The following AGO3 variants were observed in gnomAD, a reference collection of about 807,000 sequenced individuals.
The protein encoded by AGO3 is protein argonaute-3.
A neutral mutation model predicts 105.5 loss-of-function variants in AGO3; 16 were observed. The observed-to-expected ratio is 0.15, with a 90% confidence interval of 0.10 to 0.23. AGO3 has a LOEUF of 0.23. AGO3 is among the 10% of genes least tolerant of loss of function. The pLI is 1.00. For missense variants in AGO3, 534 were observed against 1,088.0 expected (o/e 0.49, Z 7.16); for synonymous variants, 340 against 367.3 (o/e 0.93, Z 0.85).
chr1:36,018,076 G>A (rs1374451112), intron 11 of AGO3, among the ~76,000 whole-genome samples: 1 of 151,466 alleles, frequency 6.6e-6, no homozygotes, highest in Non-Finnish European at 1.5e-5. Flanking sequence ...TGCCTCCCGG[G>A]ATCAAACAAT....
In AGO3 at chr1:36,055,265, T is replaced by A; in HGVS notation, c.2474+120T>A. On this transcript the variant is annotated intron_variant, in intron 18 of 18. Transcript: ENST00000373191. The surrounding 1 kb of genome is among the most constrained non-coding windows in gnomAD (Gnocchi z 4.4). ...TCCATGTGAAAAATGATGACAGAAC[T>A]GACTGCCCAAGGTTTCCTATTGAAA... The A allele has an allele frequency of 9.3e-7, 1 of 1,070,078 alleles. No homozygotes were observed. The highest frequency in any genetic ancestry group is 1.5e-5 in the South Asian group (1 of 65,300). 66.3% of individuals were successfully genotyped at this position (1,070,078 alleles called of 1,614,324 possible).
At chr1:36,046,623 T>TAAA (rs3073806) in intron 17 of AGO3, among the ~76,000 whole-genome samples, 9,873 of 34,340 alleles carry the variant, frequency 0.29, 3,822 homozygotes, top group Admixed American at 0.37. Context: ...AGTCTCTATT[T>TAAA]AAAAAAAAAA....
chr1:35,994,952 A>G (rs1648132590), intron 5 of AGO3, among the ~76,000 whole-genome samples: 1 of 152,008 alleles, frequency 6.6e-6, no homozygotes, highest in Non-Finnish European at 1.5e-5. Context: ...CATCAGGCTT[A>G]CTTTGGGAGG....
Position 35,952,139 on chromosome 1 carries a change from TCTTTCTTTC to T in AGO3, c.191+6277_191+6285del, listed in dbSNP as rs1161735249. Among the ~76,000 whole-genome samples, 345 of 129,772 alleles carry T rather than the reference TCTTTCTTTC, an allele frequency of 2.7e-3. 5 individuals are homozygous for T. The highest frequency in any genetic ancestry group is 0.011 in the Middle Eastern group (3 of 274). The allele number at this position is 129,772 out of a possible 152,430, so 85.1% of individuals were successfully genotyped here. A position where few individuals can be genotyped will look rare whatever the true frequency, so the allele number is the denominator to read the frequency against. ...TTCTTTCTTTCTTTCTTTCTTTCTT[TCTTTCTTTC>T]TTTTTTTTTTTTTTTTTTGACAGAG... On this transcript the variant is annotated intron_variant, in intron 2 of 18. Transcript: ENST00000373191.
chr1:36,052,117 A>G (rs1212902662), intron 17 of AGO3, among the ~76,000 whole-genome samples: 3 of 152,214 alleles, frequency 2.0e-5, no homozygotes, highest in Non-Finnish European at 2.9e-5. Context: ...CTGCATCCCC[A>G]TGTTTATTGC....
intron 11 of AGO3, among the ~76,000 whole-genome samples, chr1:36,021,933 T>A (rs146753398): frequency 6.6e-6 from 1 of 152,164 alleles, no homozygotes; most frequent in Non-Finnish European, 1.5e-5. Context: ...TATTTTGCTG[T>A]TACTGAAGCT....
Position 36,027,404 on chromosome 1 carries a change from T to C in AGO3, c.1591+106T>C. On this transcript the variant is annotated intron_variant, in intron 12 of 18. Coordinates refer to ENST00000373191, the MANE Select transcript of AGO3 (RefSeq NM_024852.4). This position sits in a 1 kb window ranked among gnomAD's most constrained non-coding sequence, Gnocchi z 4.0. The stretch of plus-strand genomic sequence containing the variant: ...TCAAATATTAAAATATATTTTATGA[T>C]ACAGTATTTAAAACCATGTATTATT... The C allele has an allele frequency of 4.5e-6, 5 of 1,100,250 alleles. No individual in the cohort carries two copies. Among genetic ancestry groups the C allele is most frequent in the Non-Finnish European group, 6.2e-6 (5 of 800,952 alleles). The allele number at this position is 1,100,250 out of a possible 1,614,324, so 68.2% of individuals were successfully genotyped here.
intron 2 of AGO3, among the ~76,000 whole-genome samples, chr1:35,953,037 G>A (rs1463043763): frequency 1.3e-5 from 2 of 152,124 alleles, no homozygotes; most frequent in Non-Finnish European, 2.9e-5. Flanking sequence ...ATTTTGTGTG[G>A]ACATACATTT....
chr1:36,008,874 C>T lies in AGO3; in HGVS notation c.882-23C>T, dbSNP rs773377491. On this transcript the variant is annotated intron_variant, in intron 7 of 18. Transcript: ENST00000373191. The surrounding 1 kb of genome is among the most constrained non-coding windows in gnomAD (Gnocchi z 5.1). ...TGGCTCATAATGGGCAAGAATTGTTCATGTGTACTTTTTTTTCCTCAGCTT... is the reference window on the plus strand; with the variant it reads ...TGGCTCATAATGGGCAAGAATTGTTTATGTGTACTTTTTTTTCCTCAGCTT... 6.2e-7 allele frequency: 1 copy of T among 1,613,918 alleles called. No individual in the cohort carries two copies. The highest frequency in any genetic ancestry group is 8.5e-7 in the Non-Finnish European group (1 of 1,180,000).
chr1:35,948,022 C>T lies in AGO3; in HGVS notation c.191+2159C>T, dbSNP rs113379885. Among the ~76,000 whole-genome samples the T allele has an allele frequency of 9.3e-3, 1,420 of 152,156 alleles. 23 individuals are homozygous for T. The highest frequency in any genetic ancestry group is 0.032 in the African/African-American group (1,326 of 41,494). ...AGTGTGTTGTGATTGTGCCTGTGAA[C>T]AGCCACTGCACTCCAGCCGGGGCAA... is the stretch of plus-strand genomic sequence containing the variant. On this transcript the variant is annotated intron_variant, in intron 2 of 18. Coordinates refer to ENST00000373191, the MANE Select transcript of AGO3 (RefSeq NM_024852.4).
At chr1:36,014,084 T>C in intron 11 of AGO3, 36 bp downstream of exon 11, 2 of 1,613,476 alleles carry the variant, frequency 1.2e-6, no homozygotes, top group Non-Finnish European at 1.7e-6. Flanking sequence ...TGGGACTTTT[T>C]TGTGTTTAGA....
chr1:36,043,751 C>T (rs1379517638), intron 17 of AGO3, among the ~76,000 whole-genome samples: 1 of 151,956 alleles, frequency 6.6e-6, no homozygotes, highest in Non-Finnish European at 1.5e-5. Flanking sequence ...TATGAAAATA[C>T]CAGAATATAA....
At chr1:36,011,069 G>A (rs562969541) in intron 9 of AGO3, among the ~76,000 whole-genome samples, 6 of 152,114 alleles carry the variant, frequency 3.9e-5, no homozygotes, top group African/African-American at 9.7e-5. Flanking sequence ...TACCAATACC[G>A]CTTTATAAAA....
chr1:35,958,535 C>T (rs1434128475), intron 2 of AGO3, among the ~76,000 whole-genome samples: 1 of 151,988 alleles, frequency 6.6e-6, no homozygotes, highest in Non-Finnish European at 1.5e-5. Flanking sequence ...GTGGCACACT[C>T]CTGTAGTCCC....
At chr1:36,039,492 C>CAAAAAA (rs1048314282) in intron 14 of AGO3, among the ~76,000 whole-genome samples, 2 of 55,658 alleles carry the variant, frequency 3.6e-5, no homozygotes, top group Non-Finnish European at 9.2e-5. Context: ...GACTGCGTCT[C>CAAAAAA]AAAAAAAAAA....
At chr1:35,932,608 A>G (rs1224135181) in intron 1 of AGO3, among the ~76,000 whole-genome samples, 1 of 150,878 alleles carries the variant, frequency 6.6e-6, no homozygotes, top group African/African-American at 2.4e-5. Flanking sequence ...TCTCTAATCA[A>G]TTTAGACCAT....
chr1:36,000,858 A>G (rs1277976104), intron 5 of AGO3, among the ~76,000 whole-genome samples: 1 of 151,082 alleles, frequency 6.6e-6, no homozygotes, highest in African/African-American at 2.4e-5. Flanking sequence ...TTTTTTTTTA[A>G]TTAGTTAGAA....
Position 36,072,428 on chromosome 1 carries a change from G to A in AGO3, c.*16683G>A, listed in dbSNP as rs1172637521. On this transcript the variant is annotated 3_prime_UTR_variant, in exon 19 of 19. Coordinates refer to ENST00000373191, the MANE Select transcript of AGO3 (RefSeq NM_024852.4). Reference sequence around the variant, plus strand: ...GATTTTAAAAATATTAATGGTTTTAGTGTTGCTTAGCTTCAGTTTGAAGTA... The same window carrying A: ...GATTTTAAAAATATTAATGGTTTTAATGTTGCTTAGCTTCAGTTTGAAGTA... 6.6e-6 allele frequency: 1 copy of A among 152,122 alleles called. No individual in the cohort carries two copies. The highest frequency in any genetic ancestry group is 1.5e-5 in the Non-Finnish European group (1 of 68,020). 9.4% of individuals were successfully genotyped at this position (152,122 alleles called of 1,614,324 possible). A position where few individuals can be genotyped will look rare whatever the true frequency, so the allele number is the denominator to read the frequency against.
At chr1:35,953,354 A>G (rs1429706290) in intron 2 of AGO3, among the ~76,000 whole-genome samples, 1 of 152,072 alleles carries the variant, frequency 6.6e-6, no homozygotes, top group Non-Finnish European at 1.5e-5. Flanking sequence ...ATTCTCACCA[A>G]TATGTTATTA....
Sources: allele counts gnomAD v4.1 joint callset (sites outside exome capture counted in the v4.1 genomes callset), GRCh38; gene constraint gnomAD v4.1.1; non-coding constraint Gnocchi (gnomAD v3.1); transcripts MANE v1.5; gene names NCBI Gene and HGNC (gene_info 2026-07-23, HGNC 2026-07-21).